Variants in SPTAN1 observed in about 807,000 individuals in gnomAD.
SPTAN1 encodes the protein spectrin alpha, non-erythrocytic 1.
A neutral mutation model predicts 331.3 loss-of-function variants in SPTAN1; 61 were observed. That is an observed-to-expected ratio of 0.18 (90% CI 0.15 to 0.23). The LOEUF (loss-of-function observed/expected upper bound fraction) is 0.23. Ranked by LOEUF, SPTAN1 falls within the 10% of genes least tolerant of loss-of-function variation. The pLI is 1.00. For synonymous variants in SPTAN1, 1,153 were observed against 1,173.9 expected (o/e 0.98, Z 0.36); for missense variants, 2,043 against 3,147.9 (o/e 0.65, Z 8.40).
chr9:128,579,809 C>T, intron 10 of SPTAN1, 71 bp downstream of exon 10: 1 of 1,239,716 alleles, frequency 8.1e-7, no homozygotes. Flanking sequence ...AGCTATTATT[C>T]ATCCTTAAAT....
At chr9:128,602,415 C>T in intron 27 of SPTAN1, among the ~76,000 whole-genome samples, 1 of 151,834 alleles carries the variant, frequency 6.6e-6, no homozygotes, top group Non-Finnish European at 1.5e-5. Context: ...CGGGGTTTCG[C>T]CAAGTTGGCC....
At chr9:128,558,619 C>T (rs1353889306) in intron 1 of SPTAN1, among the ~76,000 whole-genome samples, 1 of 152,124 alleles carries the variant, frequency 6.6e-6, no homozygotes, top group Non-Finnish European at 1.5e-5. Context: ...TGGCACGTTT[C>T]CCAGATTTTT....
chr9:128,603,570 G>A lies in SPTAN1; in HGVS notation c.3607G>A (p.Ala1203Thr). The change falls in exon 28 of 57, where the codon GCC (alanine) becomes ACC (threonine). Residue 1203 changes from alanine to threonine, a missense_variant. Transcript: ENST00000372739. ...TGCTCGTCTGATGGTTCACACCGTGGCCACCTTTAATTCCATCAAGGTAAG... is the reference window on the plus strand; with the variant it reads ...TGCTCGTCTGATGGTTCACACCGTGACCACCTTTAATTCCATCAAGGTAAG... ...KSARLMVHTV[A>T]TFNSIKELNE... 2.5e-6 allele frequency: 4 copies of A among 1,614,130 alleles called. No homozygotes were observed. The highest frequency in any genetic ancestry group is 3.4e-6 in the Non-Finnish European group (4 of 1,180,024).
chr9:128,562,109 T>C (rs185883819), intron 1 of SPTAN1, among the ~76,000 whole-genome samples: 1 of 152,238 alleles, frequency 6.6e-6, no homozygotes, highest in Non-Finnish European at 1.5e-5. Flanking sequence ...CTCAGAGATC[T>C]GTATGATTTG....
intron 13 of SPTAN1, 26 bp downstream of exon 13, chr9:128,582,582 C>G: frequency 6.2e-7 from 1 of 1,612,808 alleles, no homozygotes; most frequent in Non-Finnish European, 8.5e-7. Flanking sequence ...CTTCATGCTC[C>G]TCCTTTTTGG....
chr9:128,625,307 C>T lies in SPTAN1; in HGVS notation c.6069+128C>T. 1 of 976,190 alleles carries T rather than the reference C, an allele frequency of 1.0e-6. No homozygotes were observed. The highest frequency in any genetic ancestry group is 2.9e-4 in the Middle Eastern group (1 of 3,494). The allele number at this position is 976,190 out of a possible 1,614,324, so 60.5% of individuals were successfully genotyped here. A position where few individuals can be genotyped will look rare whatever the true frequency, so the allele number is the denominator to read the frequency against. ...GGATCAGCAGGAAAAAGATCCTGTC[C>T]TGGTCCTCAGGGAGCTTCCAGACTA... On this transcript the variant is annotated intron_variant, in intron 47 of 56. Coordinates refer to ENST00000372739, the MANE Select transcript of SPTAN1 (RefSeq NM_001130438.3). The surrounding 1 kb of genome is among the most constrained non-coding windows in gnomAD (Gnocchi z 4.1).
At chr9:128,626,998 A>G (rs1380376118) in intron 49 of SPTAN1, 3 of 562,888 alleles carry the variant, frequency 5.3e-6, no homozygotes, top group East Asian at 4.3e-5. Context: ...TAATTTTTGT[A>G]GACAGGGTGT....
At chr9:128,584,880 C>G in intron 18 of SPTAN1, 37 bp downstream of exon 18, 1 of 1,613,870 alleles carries the variant, frequency 6.2e-7, no homozygotes, top group Non-Finnish European at 8.5e-7. Context: ...CTTGGTGCTG[C>G]TCCTCGTGTC....
chr9:128,624,892 A>G (rs535606844), intron 46 of SPTAN1: 2 of 633,076 alleles, frequency 3.2e-6, no homozygotes, highest in Admixed American at 4.7e-5. Flanking sequence ...CAACTGAACT[A>G]GAAGACGGGC....
rs1288231452 is a variant in SPTAN1 at position 128,585,806 on chromosome 9, G to T, written c.2619G>T (p.Glu873Asp). Residue 873 changes from glutamate to aspartate, a missense_variant, in exon 19 of 57, where the codon GAG (glutamate) becomes GAT (aspartate). Physicochemically the swap from Glu to Asp is conservative, Grantham distance 45. Coordinates refer to ENST00000372739, the MANE Select transcript of SPTAN1 (RefSeq NM_001130438.3). ...TTCACGAGCTGAACCAAAAGTGGGAGGCACTGAAAGCCAAAGCTTCCCAGC... is the reference window on the plus strand; with the variant it reads ...TTCACGAGCTGAACCAAAAGTGGGATGCACTGAAAGCCAAAGCTTCCCAGC... ...AKLHELNQKW[E>D]ALKAKASQRR... 14 of 1,614,212 alleles carry T rather than the reference G, an allele frequency of 8.7e-6. No homozygotes were observed. Among genetic ancestry groups the T allele is most frequent in the Admixed American group, 1.7e-5 (1 of 60,030 alleles).
At chr9:128,569,016 T>G (rs1366761035) in intron 3 of SPTAN1, 119 bp downstream of exon 3, 13 of 1,408,426 alleles carry the variant, frequency 9.2e-6, no homozygotes, top group Non-Finnish European at 1.3e-5. Context: ...TAAAAGAATT[T>G]ATGAAGTCTC....
chr9:128,594,429 A>ATTTTTTTTTTTTTTTTTTTTTTTTTTTT (rs10679469), intron 24 of SPTAN1, 56 bp downstream of exon 24: 1 of 602,916 alleles, frequency 1.7e-6, no homozygotes, highest in Non-Finnish European at 2.4e-6. Context: ...GAGTCTCTTG[A>ATTTTTTTTTTTTTTTTTTTTTTTTTTTT]TTTTTTTTTT....
rs559374182 is a variant in SPTAN1, at chr9:128,625,231, G to A, written c.6069+52G>A. 6 of 1,568,014 alleles carry A rather than the reference G, an allele frequency of 3.8e-6. No individual in the cohort carries two copies. In the Admixed American group the frequency reaches 5.0e-5, roughly 13 times the overall value. Reference sequence around the variant, plus strand: ...AAATGTATGCAGATAGCATCTGTGAGATGACTGGTGGCGTCTTTCACTGAG... The same window carrying A: ...AAATGTATGCAGATAGCATCTGTGAAATGACTGGTGGCGTCTTTCACTGAG... On this transcript the variant is annotated intron_variant, in intron 47 of 56. Transcript: ENST00000372739. The surrounding 1 kb of genome is among the most constrained non-coding windows in gnomAD (Gnocchi z 4.1).
At chr9:128,613,569 A>T in intron 40 of SPTAN1, 84 bp downstream of exon 40, 1 of 1,146,896 alleles carries the variant, frequency 8.7e-7, no homozygotes, top group Non-Finnish European at 1.3e-6. Flanking sequence ...TGTTTGAGAA[A>T]AGAGAGTGAC....
At chr9:128,568,751 C>G (rs1300764917) in intron 2 of SPTAN1, 21 bp from the exon 3 acceptor site, 2 of 1,613,748 alleles carry the variant, frequency 1.2e-6, no homozygotes, top group South Asian at 1.1e-5. Context: ...GTCTGAGGCT[C>G]ACTTCAAGGT....
chr9:128,570,660 A>G lies in SPTAN1; in HGVS notation c.363+1763A>G, dbSNP rs1248026993. On this transcript the variant is annotated intron_variant, in intron 3 of 56. Coordinates refer to ENST00000372739, the MANE Select transcript of SPTAN1 (RefSeq NM_001130438.3). ...GCCCAGATGGCTTATTTATTTATTT[A>G]TTTATTTATTTTTGAGATGGAGTTT... 2.8e-5 allele frequency among the ~76,000 whole-genome samples: 4 copies of G among 140,992 alleles called. No homozygotes were observed. The South Asian group carries it at 6.7e-4, about 24-fold the overall frequency. The allele number at this position is 140,992 out of a possible 152,430, so 92.5% of individuals were successfully genotyped here.
Position 128,605,155 on chromosome 9 carries a change from G to C in SPTAN1, c.3841G>C (p.Asp1281His), listed in dbSNP as rs1855660502. 1 of 1,613,808 alleles carries C rather than the reference G, an allele frequency of 6.2e-7. No individual in the cohort carries two copies. The highest frequency in any genetic ancestry group is 1.3e-5 in the African/African-American group (1 of 74,820). ...ACGCAAGCATGAGGGCTTCGAGAGG[G>C]ACCTTGCGGCTCTCGGTGACAAGGT... ...LQRKHEGFER[D>H]LAALGDKVNS... Residue 1281 changes from aspartate (D) to histidine (H), a missense_variant, in exon 30 of 57, where the codon GAC becomes CAC. Physicochemically the swap from Asp to His is moderately conservative, Grantham distance 81 (BLOSUM62 -1). Transcript: ENST00000372739.
chr9:128,578,249 A>C lies in SPTAN1; in HGVS notation c.1221+4A>C. On this transcript the variant is annotated splice_donor_region_variant and intron_variant, in intron 9 of 56. Coordinates refer to ENST00000372739, the MANE Select transcript of SPTAN1 (RefSeq NM_001130438.3). Reference sequence around the variant, plus strand: ...AGATAGACACCAAGAGCACAAGGTAATGGTATCTCTAGAATCTTCCAGAAG... The same window carrying C: ...AGATAGACACCAAGAGCACAAGGTACTGGTATCTCTAGAATCTTCCAGAAG... The C allele has an allele frequency of 3.1e-6, 5 of 1,614,008 alleles. No homozygotes were observed. The highest frequency in any genetic ancestry group is 3.4e-6 in the Non-Finnish European group (4 of 1,179,970).
intron 45 of SPTAN1, chr9:128,622,170 A>T (rs1195593707): frequency 6.6e-6 from 1 of 152,200 alleles, no homozygotes; most frequent in Non-Finnish European, 1.5e-5. Context: ...AGCCATGTAT[A>T]GATGTAGACG....
Sources: allele counts gnomAD v4.1 joint callset (sites outside exome capture counted in the v4.1 genomes callset), GRCh38; gene constraint gnomAD v4.1.1; non-coding constraint Gnocchi (gnomAD v3.1); transcripts MANE v1.5; gene names NCBI Gene and HGNC (gene_info 2026-07-23, HGNC 2026-07-21).